The following ZNF597 variants were observed in gnomAD, a reference collection of about 807,000 sequenced individuals.
ZNF597 encodes the protein zinc finger protein 597.
In ZNF597, 5 loss-of-function variants were observed where a neutral mutation model predicts 7.3. The ratio of observed to expected loss-of-function variants is 0.68; its 90% CI spans 0.36 to 1.44. The LOEUF (loss-of-function observed/expected upper bound fraction) is 1.44. Among genes scored for constraint, ZNF597 ranks in the 40% most tolerant of loss-of-function variants. The probability of loss-of-function intolerance (pLI) is 0.04; values close to 1 mark genes in which losing one functional copy is unlikely to be tolerated. For synonymous variants in ZNF597, 209 were observed against 185.4 expected (o/e 1.13, Z -1.04); for missense variants, 585 against 517.9 (o/e 1.13, Z -1.26).
At chr16:3,438,216 TAAAA>T (rs140287445) in intron 3 of ZNF597, among the ~76,000 whole-genome samples, 1 of 137,014 alleles carries the variant, frequency 7.3e-6, no homozygotes, top group Non-Finnish European at 1.5e-5. Context: ...ACTTGTTTCT[TAAAA>T]AAAAAAAAAA....
At position 3,441,023 on chromosome 16, in the gene ZNF597, G is replaced by C. The variant is rs903817853; in HGVS notation, c.34-90C>G. On this transcript the variant is annotated intron_variant, in intron 2 of 3. Transcript: ENST00000301744. ...AGGATGAAAAGAGCTAGAAACATCA[G>C]ATGCACGGGATAAAAGGCTCGGTGT... 5.3e-6 allele frequency: 8 copies of C among 1,522,142 alleles called. No homozygotes were observed. In the African/African-American group the frequency reaches 5.6e-5, roughly 11 times the overall value. The allele number at this position is 1,522,142 out of a possible 1,614,324, so 94.3% of individuals were successfully genotyped here. A position where few individuals can be genotyped will look rare whatever the true frequency, so the allele number is the denominator to read the frequency against.
At chr16:3,443,013 A>C (rs899633164) in intron 2 of ZNF597, 108 bp downstream of exon 2, 1 of 1,358,330 alleles carries the variant, frequency 7.4e-7, no homozygotes, top group Admixed American at 1.7e-5. Flanking sequence ...TTTGGGGCTC[A>C]GGAGCACTCC....
chr16:3,433,347 C>A lies in ZNF597; in HGVS notation c.*3077G>T, dbSNP rs2034271957. The A allele has an allele frequency of 2.6e-5, 4 of 152,144 alleles. No individual in the cohort carries two copies. The South Asian group carries it at 8.3e-4, about 32-fold the overall frequency. The allele number at this position is 152,144 out of a possible 1,614,324, so 9.4% of individuals were successfully genotyped here. A position where few individuals can be genotyped will look rare whatever the true frequency, so the allele number is the denominator to read the frequency against. ...TGTTTAAAAGACTGTTTAACTATTC[C>A]AGCAATCATGTTAAGGAACTGTTGG... On this transcript the variant is annotated 3_prime_UTR_variant, in exon 4 of 4. Coordinates refer to ENST00000301744, the MANE Select transcript of ZNF597 (RefSeq NM_152457.3).
Position 3,435,161 on chromosome 16 carries a change from C to A in ZNF597, c.*1263G>T, listed in dbSNP as rs558329948. On this transcript the variant is annotated 3_prime_UTR_variant, in exon 4 of 4. Coordinates refer to ENST00000301744, the MANE Select transcript of ZNF597 (RefSeq NM_152457.3). Reference sequence around the variant, plus strand: ...TAAAAAACCAAAACCCAGTTAAGACCTTCAGTATTGTACTCTGCCAAGTGT... The same window carrying A: ...TAAAAAACCAAAACCCAGTTAAGACATTCAGTATTGTACTCTGCCAAGTGT... 2.0e-5 allele frequency: 3 copies of A among 152,090 alleles called. No individual in the cohort carries two copies. The highest frequency in any genetic ancestry group is 7.2e-5 in the African/African-American group (3 of 41,408). The allele number at this position is 152,090 out of a possible 1,614,324, so 9.4% of individuals were successfully genotyped here. A position where few individuals can be genotyped will look rare whatever the true frequency, so the allele number is the denominator to read the frequency against.
chr16:3,440,991 C>T (rs2034362371), intron 2 of ZNF597, 58 bp from the exon 3 acceptor site: 11 of 1,575,484 alleles, frequency 7.0e-6, no homozygotes, highest in Non-Finnish European at 9.4e-6. Context: ...CCTCACTTAA[C>T]CTAGGAAGGA....
chr16:3,442,716 G>A (rs556670377), intron 2 of ZNF597, among the ~76,000 whole-genome samples: 1 of 150,986 alleles, frequency 6.6e-6, no homozygotes, highest in African/African-American at 2.4e-5. Flanking sequence ...GCCAGACACT[G>A]TGGTATGCGC....
Position 3,436,628 on chromosome 16 carries a change from A to G in ZNF597, c.1071T>C (p.Ile357=), listed in dbSNP as rs771354157. 20 of 1,606,486 alleles carry G rather than the reference A, an allele frequency of 1.2e-5. No individual in the cohort carries two copies. In the Admixed American group the frequency reaches 3.4e-4, roughly 28 times the overall value. The change falls in exon 4 of 4, where the codon ATT becomes ATC. Residue 357 remains isoleucine (I), a synonymous_variant. Transcript: ENST00000301744. ...CCTCTGTATGAATGTTCTGATGGGA[A>G]ATAAGCTCAGAGAAACAAGGAAAGG... is the stretch of plus-strand genomic sequence containing the variant. ...DMTFPCFSEL[I]SHQNIHTEER...
chr16:3,432,451 A>C lies in ZNF597; in HGVS notation c.*3973T>G, dbSNP rs1019878033. ...TAAAATAGCATTTAATAGAAGCCAAATTGCACATTAGACGTAATCAATAAC... is the reference window on the plus strand; with the variant it reads ...TAAAATAGCATTTAATAGAAGCCAACTTGCACATTAGACGTAATCAATAAC... On this transcript the variant is annotated 3_prime_UTR_variant, in exon 4 of 4. Transcript: ENST00000301744. 1.3e-5 allele frequency: 2 copies of C among 152,218 alleles called. No homozygotes were observed. Among genetic ancestry groups the C allele is most frequent in the African/African-American group, 4.8e-5 (2 of 41,446 alleles). 9.4% of individuals were successfully genotyped at this position (152,218 alleles called of 1,614,324 possible). A position where few individuals can be genotyped will look rare whatever the true frequency, so the allele number is the denominator to read the frequency against.
chr16:3,437,709 C>T (rs894003061), intron 3 of ZNF597, among the ~76,000 whole-genome samples, 171 bp from the exon 4 acceptor site: 22 of 149,712 alleles, frequency 1.5e-4, no homozygotes, highest in African/African-American at 4.9e-4. Context: ...CCTGGCCTCC[C>T]AGAAGATCCA....
At chr16:3,439,758 C>T (rs1004797580) in intron 3 of ZNF597, among the ~76,000 whole-genome samples, 5 of 152,088 alleles carry the variant, frequency 3.3e-5, no homozygotes, top group African/African-American at 1.2e-4. Flanking sequence ...CTTAATCTAA[C>T]ATCCGACCAA....
Position 3,432,879 on chromosome 16 carries a change from C to G in ZNF597, c.*3545G>C, listed in dbSNP as rs1034451293. On this transcript the variant is annotated 3_prime_UTR_variant, in exon 4 of 4. Coordinates refer to ENST00000301744, the MANE Select transcript of ZNF597 (RefSeq NM_152457.3). ...AATACACTTTCCTACTAAAATCCCA[C>G]AGGGATAACAAGTTTAATGAACATT... 2.0e-5 allele frequency: 3 copies of G among 152,304 alleles called. No homozygotes were observed. Among genetic ancestry groups the G allele is most frequent in the African/African-American group, 7.2e-5 (3 of 41,554 alleles). The allele number at this position is 152,304 out of a possible 1,614,324, so 9.4% of individuals were successfully genotyped here.
chr16:3,437,278 G>C lies in ZNF597; in HGVS notation c.421C>G (p.Leu141Val). Reference protein sequence around the residue: ...ELSEYLGTNTLSEILDSPWEG... With the variant: ...ELSEYLGTNTVSEILDSPWEG... ...CAGGGAGAATCAAGAATTTCAGAAAGTGTGTTGGTTCCTAAATATTCAGAG... is the reference window on the plus strand; with the variant it reads ...CAGGGAGAATCAAGAATTTCAGAAACTGTGTTGGTTCCTAAATATTCAGAG... The change falls in exon 4 of 4, where the codon CTT (leucine) becomes GTT (valine). Residue 141 changes from leucine to valine, a missense_variant. By Grantham distance (32) the Leu-to-Val change is conservative. Transcript: ENST00000301744. 6.2e-7 allele frequency: 1 copy of C among 1,614,220 alleles called. No individual in the cohort carries two copies.
intron 3 of ZNF597, among the ~76,000 whole-genome samples, chr16:3,439,028 A>G (rs943955657): frequency 2.0e-4 from 31 of 152,182 alleles, no homozygotes; most frequent in Admixed American, 1.9e-3. Flanking sequence ...AAAGCAAAAC[A>G]GCAAAGAGGC....
chr16:3,439,545 C>T (rs562916198), intron 3 of ZNF597, among the ~76,000 whole-genome samples: 25 of 151,954 alleles, frequency 1.6e-4, no homozygotes, highest in Non-Finnish European at 3.1e-4. Context: ...TGAGCAGCAA[C>T]GTCCACAGAA....
intron 2 of ZNF597, among the ~76,000 whole-genome samples, chr16:3,441,444 T>C (rs2034368803): frequency 6.6e-6 from 1 of 152,144 alleles, no homozygotes; most frequent in African/African-American, 2.4e-5. Flanking sequence ...CCCAGCACTT[T>C]GGAAGGTGGA....
At chr16:3,438,271 A>C (rs2034325820) in intron 3 of ZNF597, among the ~76,000 whole-genome samples, 1 of 150,708 alleles carries the variant, frequency 6.6e-6, no homozygotes. Flanking sequence ...AATAATTTTT[A>C]AAAAGAGGCT....
chr16:3,440,531 G>T (rs1033694891), intron 3 of ZNF597, among the ~76,000 whole-genome samples: 60 of 152,172 alleles, frequency 3.9e-4, no homozygotes, highest in Non-Finnish European at 8.4e-4. Context: ...CTACTCGGGA[G>T]GCTGAGGCAG....
At chr16:3,439,526 A>G (rs187209344) in intron 3 of ZNF597, among the ~76,000 whole-genome samples, 24 of 152,326 alleles carry the variant, frequency 1.6e-4, no homozygotes, top group Admixed American at 7.2e-4. Flanking sequence ...GTGGAAAGAC[A>G]TAAGACATTG....
chr16:3,442,662 G>A (rs1166860337), intron 2 of ZNF597, among the ~76,000 whole-genome samples: 1 of 140,256 alleles, frequency 7.1e-6, no homozygotes, highest in East Asian at 2.1e-4. Flanking sequence ...GCGACAGAGC[G>A]AGACTCTGTA....
Sources: gnomAD v4.1 joint callset for allele counts (sites outside exome capture counted in the v4.1 genomes callset) on GRCh38, gnomAD v4.1.1 for gene constraint, MANE v1.5 for transcripts, NCBI Gene and HGNC (gene_info 2026-07-23, HGNC 2026-07-21) for gene names.